The following DPP6 variants were observed in gnomAD, a reference collection of about 807,000 sequenced individuals.
The protein encoded by DPP6 is A-type potassium channel modulatory protein DPP6.
A neutral mutation model predicts 122.6 loss-of-function variants in DPP6; 69 were observed. The observed-to-expected ratio is 0.56, with a 90% CI of 0.46 to 0.69. DPP6 has a LOEUF of 0.69. Ranked by LOEUF, DPP6 falls within the 30% of genes least tolerant of loss-of-function variation. The probability of loss-of-function intolerance (pLI) is 0.00; values close to 1 mark genes in which losing one functional copy is unlikely to be tolerated. For missense variants in DPP6, 928 were observed against 1,116.9 expected (o/e 0.83, Z 2.41); for synonymous variants, 418 against 433.1 (o/e 0.97, Z 0.43).
At chr7:153,756,876 A>G in the DPP6 span, among the ~76,000 whole-genome samples, 1 of 152,050 alleles carries the variant, frequency 6.6e-6, no homozygotes, top group African/African-American at 2.4e-5. Context: ...TCAGTAAAAT[A>G]CATAAAATGA....
At position 154,875,538 on chromosome 7, in the gene DPP6, G is replaced by A. The variant is rs938954588; in HGVS notation, c.1884-368G>A. Among the ~76,000 whole-genome samples the A allele has an allele frequency of 2.0e-5, 3 of 152,212 alleles. No individual in the cohort carries two copies. Among genetic ancestry groups the A allele is most frequent in the African/African-American group, 7.2e-5 (3 of 41,448 alleles). On this transcript the variant is annotated intron_variant, in intron 19 of 25. Coordinates refer to ENST00000377770, the MANE Select transcript of DPP6 (RefSeq NM_130797.4). The surrounding 1 kb of genome is among the most constrained non-coding windows in gnomAD (Gnocchi z 4.5). ...TGAGAGGTACAGCCTGGGACATCTA[G>A]AACCCAGGAAAGAGAAACCTTCTTG...
intron 1 of DPP6, among the ~76,000 whole-genome samples, chr7:154,130,006 G>A (rs1197654553): frequency 6.6e-6 from 1 of 151,890 alleles, no homozygotes; most frequent in Non-Finnish European, 1.5e-5. Context: ...AGCCTGGGAG[G>A]CGGAGGTTGC....
At chr7:154,220,913 G>T (rs893686855) in intron 1 of DPP6, among the ~76,000 whole-genome samples, 7 of 152,152 alleles carry the variant, frequency 4.6e-5, no homozygotes, top group Admixed American at 3.3e-4. Flanking sequence ...GTGGGTTTTG[G>T]GGGGCTGCTT....
intron 3 of DPP6, among the ~76,000 whole-genome samples, chr7:154,477,916 T>TGGTTG (rs1286303423): frequency 3.3e-5 from 5 of 152,174 alleles, no homozygotes; most frequent in Admixed American, 3.3e-4. Flanking sequence ...AGTAACCAAG[T>TGGTTG]GGTTGGGTCC....
At chr7:154,261,108 C>G (rs961085072) in intron 1 of DPP6, among the ~76,000 whole-genome samples, 7 of 152,064 alleles carry the variant, frequency 4.6e-5, no homozygotes, top group Admixed American at 2.0e-4. Context: ...ATTGGCCAGG[C>G]TGGTCTTGAA....
intron 6 of DPP6, among the ~76,000 whole-genome samples, chr7:154,666,161 C>T (rs1470315228): frequency 7.0e-6 from 1 of 143,756 alleles, no homozygotes; most frequent in Non-Finnish European, 1.5e-5. Context: ...TTATATCATA[C>T]TATATACATA....
the DPP6 span, among the ~76,000 whole-genome samples, chr7:153,846,849 C>T: frequency 3.3e-5 from 5 of 151,936 alleles, no homozygotes; most frequent in Admixed American, 6.6e-5. Flanking sequence ...CCTGCCACCA[C>T]GCCTGGCTAA....
chr7:153,922,830 C>T (rs953697802), intron 1 of DPP6, among the ~76,000 whole-genome samples: 3 of 152,164 alleles, frequency 2.0e-5, no homozygotes, highest in African/African-American at 7.2e-5. Flanking sequence ...GAGGCCTTAG[C>T]GAGCCCCCAG....
chr7:154,158,249 A>C (rs1249849426), intron 1 of DPP6, among the ~76,000 whole-genome samples: 1 of 151,204 alleles, frequency 6.6e-6, no homozygotes, highest in Non-Finnish European at 1.5e-5. Flanking sequence ...GGGTTCTTCT[A>C]TCTCAATAAC....
chr7:154,720,207 G>A (rs1181910203), intron 7 of DPP6, among the ~76,000 whole-genome samples: 1 of 152,188 alleles, frequency 6.6e-6, no homozygotes, highest in African/African-American at 2.4e-5. Context: ...TCGATGGACT[G>A]AGGAGGGAAC....
intron 1 of DPP6, among the ~76,000 whole-genome samples, chr7:153,983,831 A>G (rs1373325704): frequency 6.6e-6 from 1 of 151,900 alleles, no homozygotes; most frequent in Non-Finnish European, 1.5e-5. Flanking sequence ...TTCCTGAGTG[A>G]GGTGATGCCC....
chr7:153,865,475 C>T, the DPP6 span, among the ~76,000 whole-genome samples: 3 of 152,022 alleles, frequency 2.0e-5, no homozygotes, highest in African/African-American at 7.2e-5. Flanking sequence ...TCGTTGTCAC[C>T]TCATAACTAC....
chr7:154,634,574 G>A (rs1030799745), intron 5 of DPP6, among the ~76,000 whole-genome samples: 5 of 152,000 alleles, frequency 3.3e-5, no homozygotes, highest in African/African-American at 1.2e-4. Flanking sequence ...GGTTTGGTTT[G>A]GGGGTTTCTT....
chr7:154,390,105 A>C (rs1814483523), intron 1 of DPP6, among the ~76,000 whole-genome samples: 1 of 152,226 alleles, frequency 6.6e-6, no homozygotes, highest in Non-Finnish European at 1.5e-5. Flanking sequence ...TTATTCATTA[A>C]TTGAACAATT....
At chr7:153,900,029 C>T (rs139608622) in intron 1 of DPP6, among the ~76,000 whole-genome samples, 21 of 152,232 alleles carry the variant, frequency 1.4e-4, no homozygotes, top group East Asian at 9.7e-4. Context: ...GCTGGACCTG[C>T]GTTATCAGCA....
rs542532005 is a variant in DPP6, at chr7:154,322,641, C to T, written c.244-123573C>T. On this transcript the variant is annotated intron_variant, in intron 1 of 25. Transcript: ENST00000377770. The stretch of plus-strand genomic sequence containing the variant: ...TAAGAGTAGATTCCTGAAACCATAG[C>T]AGCATCCGATAGAACAGAACATTTC... 1.8e-4 allele frequency among the ~76,000 whole-genome samples: 27 copies of T among 152,220 alleles called. No individual in the cohort carries two copies. In the South Asian group the frequency reaches 2.5e-3, roughly 14 times the overall value.
At position 154,017,604 on chromosome 7, in the gene DPP6, G is replaced by A. The variant is rs772580402; in HGVS notation, c.51+129870G>A. On this transcript the variant is annotated intron_variant, in intron 1 of 25. Transcript: ENST00000404039. ...AGTCCCAGCTACTCAGGAGGCTGAGGCATGAAGATTGCTTGAGCCCGGAAT... is the reference window on the plus strand; with the variant it reads ...AGTCCCAGCTACTCAGGAGGCTGAGACATGAAGATTGCTTGAGCCCGGAAT... 1.8e-3 allele frequency among the ~76,000 whole-genome samples: 278 copies of A among 151,620 alleles called. 2 individuals are homozygous for A. Among genetic ancestry groups the A allele is most frequent in the Non-Finnish European group, 1.0e-3 (69 of 67,936 alleles).
chr7:153,957,827 G>A (rs897936905), intron 1 of DPP6, among the ~76,000 whole-genome samples: 4 of 152,146 alleles, frequency 2.6e-5, no homozygotes, highest in African/African-American at 9.7e-5. Flanking sequence ...TAATAATTGT[G>A]GAGAGGACCT....
chr7:154,354,870 C>A (rs539442060), intron 1 of DPP6, among the ~76,000 whole-genome samples: 4 of 152,178 alleles, frequency 2.6e-5, no homozygotes, highest in Non-Finnish European at 5.9e-5. Flanking sequence ...TAAGTGCATG[C>A]GTTTATATTG....
Sources: allele counts gnomAD v4.1 joint callset (sites outside exome capture counted in the v4.1 genomes callset), GRCh38; gene constraint gnomAD v4.1.1; non-coding constraint Gnocchi (gnomAD v3.1); transcripts MANE v1.5; gene names NCBI Gene and HGNC (gene_info 2026-07-23, HGNC 2026-07-21).